ANO1: variants seen among roughly 807,000 people sequenced by gnomAD.
The protein encoded by ANO1 is anoctamin 1, also known as anoctamin-1.
A neutral mutation model predicts 124.0 loss-of-function variants in ANO1; 59 were observed. That is an observed-to-expected ratio of 0.48 (90% CI 0.39 to 0.59). The LOEUF is 0.59. Among genes scored for constraint, ANO1 ranks in the 20% least tolerant of loss-of-function variants. ANO1 has a pLI of 0.00. For synonymous variants in ANO1, 529 were observed against 532.0 expected, an observed-to-expected ratio of 0.99 and a Z score of 0.08; for missense variants, 1,059 against 1,328.0, an observed-to-expected ratio of 0.80 and a Z score of 3.15.
intron 1 of ANO1, among the ~76,000 whole-genome samples, chr11:70,084,545 CAG>C (rs1398532550): frequency 6.6e-6 from 1 of 152,150 alleles, no homozygotes; most frequent in Non-Finnish European, 1.5e-5. Flanking sequence ...CCCTGGGGCT[CAG>C]AGTGTCCAGA....
intron 1 of ANO1, among the ~76,000 whole-genome samples, chr11:70,086,216 G>A (rs2044374060): frequency 6.6e-6 from 1 of 152,238 alleles, no homozygotes; most frequent in African/African-American, 2.4e-5. Flanking sequence ...TTGCCTGTTA[G>A]GTTCTACCCA....
intron 1 of ANO1, among the ~76,000 whole-genome samples, chr11:69,990,413 T>G (rs1488394254): frequency 1.3e-5 from 2 of 152,242 alleles, no homozygotes; most frequent in Non-Finnish European, 2.9e-5. Context: ...ACATGGGTTA[T>G]TTCCACCTTT....
At chr11:70,069,967 T>G (rs1404450219) in intron 1 of ANO1, among the ~76,000 whole-genome samples, 3 of 152,234 alleles carry the variant, frequency 2.0e-5, no homozygotes, top group Non-Finnish European at 4.4e-5. Flanking sequence ...TAACCCTATA[T>G]GACACGGATC....
In ANO1 at chr11:70,180,650, A is replaced by T. The variant is rs376941073; in HGVS notation, c.2403+594A>T. ...TCCACTGAGAATAAACAAGAGACAGAGATAGGTGGGAAGACAGAGACAGAG... is the reference window on the plus strand; with the variant it reads ...TCCACTGAGAATAAACAAGAGACAGTGATAGGTGGGAAGACAGAGACAGAG... On this transcript the variant is annotated intron_variant, in intron 23 of 25. Transcript: ENST00000355303. 6.6e-5 allele frequency among the ~76,000 whole-genome samples: 10 copies of T among 152,226 alleles called. No homozygotes were observed. The East Asian group carries it at 1.9e-3, about 29-fold the overall frequency.
chr11:70,138,206 G>A (rs148485838), intron 11 of ANO1, among the ~76,000 whole-genome samples: 3 of 146,686 alleles, frequency 2.0e-5, no homozygotes, highest in African/African-American at 4.9e-5. Context: ...TTAGCTGGCC[G>A]TAGTGGCACG....
intron 13 of ANO1, 118 bp downstream of exon 13, chr11:70,152,579 GGGGTCTCT>G: frequency 8.1e-7 from 1 of 1,230,240 alleles, no homozygotes; most frequent in Non-Finnish European, 1.2e-6. Context: ...CCACGCGGGT[GGGGTCTCT>G]GCTTTCTCCC....
Position 70,182,464 on chromosome 11 carries a change from G to A in ANO1, c.2404-38G>A, listed in dbSNP as rs771112895. 5 of 1,467,430 alleles carry A rather than the reference G, an allele frequency of 3.4e-6. No individual in the cohort carries two copies. In the South Asian group the frequency reaches 5.9e-5, roughly 17 times the overall value. 90.9% of individuals were successfully genotyped at this position (1,467,430 alleles called of 1,614,324 possible). A position where few individuals can be genotyped will look rare whatever the true frequency, so the allele number is the denominator to read the frequency against. On this transcript the variant is annotated intron_variant, in intron 23 of 25. Coordinates refer to ENST00000355303, the MANE Select transcript of ANO1 (RefSeq NM_018043.7). ...GTTGCGGCCGGCCCTTCTGCGCCCA[G>A]GCTGGGGGTCCCCCTCACTGCCATG...
At chr11:70,107,675 C>G (rs1447900610) in intron 5 of ANO1, among the ~76,000 whole-genome samples, 1 of 152,140 alleles carries the variant, frequency 6.6e-6, no homozygotes, top group East Asian at 1.9e-4. Flanking sequence ...GTCGCTGGTC[C>G]AAAATCACAC....
Position 70,043,878 on chromosome 11 carries a change from G to T in ANO1, c.59-34664G>T, listed in dbSNP as rs539624801. ...AGATGAAATTGGGATATACACAAAA[G>T]GATGGATTGTACCAGAATTAGTATA... On this transcript the variant is annotated intron_variant, in intron 1 of 27. Coordinates refer to the ANO1 transcript ENST00000531349. 7.2e-5 allele frequency among the ~76,000 whole-genome samples: 11 copies of T among 152,142 alleles called. No homozygotes were observed. The South Asian group carries it at 2.3e-3, about 32-fold the overall frequency.
At chr11:70,156,907 G>T (rs2047837474) in intron 15 of ANO1, 40 bp from the exon 16 acceptor site, 1 of 1,593,860 alleles carries the variant, frequency 6.3e-7, no homozygotes, top group African/African-American at 1.3e-5. Context: ...GTCTCATCGT[G>T]ATGGTTCCAG....
chr11:69,978,161 T>G, the ANO1 span, among the ~76,000 whole-genome samples: 3 of 152,190 alleles, frequency 2.0e-5, no homozygotes, highest in African/African-American at 7.2e-5. Context: ...AACTCTGAGC[T>G]GTGCTGTCCT....
intron 1 of ANO1, among the ~76,000 whole-genome samples, chr11:70,033,777 G>A (rs1005572071): frequency 6.6e-6 from 1 of 152,014 alleles, no homozygotes; most frequent in South Asian, 2.1e-4. Flanking sequence ...ATTCCATATT[G>A]TCTGTCTGCT....
chr11:70,116,390 T>A lies in ANO1; in HGVS notation c.856-68T>A, dbSNP rs868835858. On this transcript the variant is annotated intron_variant, in intron 7 of 25. Transcript: ENST00000355303. ...CTGCTGGGGTTTATGTTTTGAAACATAATGGATGTGAGCGCCTCCAAAGCT... is the reference window on the plus strand; with the variant it reads ...CTGCTGGGGTTTATGTTTTGAAACAAAATGGATGTGAGCGCCTCCAAAGCT... 93 of 1,447,312 alleles carry A rather than the reference T, an allele frequency of 6.4e-5. 1 individual carries two copies. The Middle Eastern group carries it at 2.1e-3, about 32-fold the overall frequency. The allele number at this position is 1,447,312 out of a possible 1,614,324, so 89.7% of individuals were successfully genotyped here.
At chr11:70,081,616 A>C (rs1370930746) in intron 1 of ANO1, among the ~76,000 whole-genome samples, 1 of 152,240 alleles carries the variant, frequency 6.6e-6, no homozygotes, top group Non-Finnish European at 1.5e-5. Context: ...TTGAGTGATC[A>C]AGATATTTCA....
intron 1 of ANO1, among the ~76,000 whole-genome samples, chr11:70,066,414 A>G (rs908996287): frequency 1.3e-5 from 2 of 152,148 alleles, no homozygotes; most frequent in Admixed American, 6.5e-5. Flanking sequence ...CAGAGCCCAC[A>G]TGACTTGTCC....
At chr11:70,033,831 C>A (rs1261259504) in intron 1 of ANO1, among the ~76,000 whole-genome samples, 1 of 152,130 alleles carries the variant, frequency 6.6e-6, no homozygotes, top group Non-Finnish European at 1.5e-5. Flanking sequence ...AATACAGGTT[C>A]GCTTCGTGGG....
intron 1 of ANO1, among the ~76,000 whole-genome samples, chr11:70,043,058 A>G (rs1297836637): frequency 6.6e-6 from 1 of 152,252 alleles, no homozygotes; most frequent in Admixed American, 6.5e-5. Flanking sequence ...GACAAATGAT[A>G]ACACTGGAAG....
In ANO1 at chr11:70,088,052, G is replaced by C. The variant is rs1590693664; in HGVS notation, c.409G>C (p.Glu137Gln). 1 of 1,433,930 alleles carries C rather than the reference G, an allele frequency of 7.0e-7. No individual in the cohort carries two copies. Among genetic ancestry groups the C allele is most frequent in the East Asian group, 2.7e-5 (1 of 37,534 alleles). The allele number at this position is 1,433,930 out of a possible 1,614,324, so 88.8% of individuals were successfully genotyped here. A position where few individuals can be genotyped will look rare whatever the true frequency, so the allele number is the denominator to read the frequency against. Residue 137 changes from glutamate (E) to glutamine (Q), a missense_variant, in exon 2 of 26, where the codon GAG becomes CAG. By Grantham distance (29) the Glu-to-Gln change is conservative. Around this residue, in one of 2 missense-constraint regions of ANO1, gnomAD observed 250 missense variants for 233.1 expected, o/e 1.07. Transcript: ENST00000355303. ...GGAGGAGTACGAGGGCAACCTCCTG[G>C]AGGCGGGCCTGGAGCTGGAGCGGGA... is the stretch of plus-strand genomic sequence containing the variant. ...RREEYEGNLLEAGLELERDED... is the reference protein window; with the variant it reads ...RREEYEGNLLQAGLELERDED...
chr11:70,162,431 G>A (rs1032343556), intron 18 of ANO1, among the ~76,000 whole-genome samples: 3 of 152,126 alleles, frequency 2.0e-5, no homozygotes, highest in South Asian at 2.1e-4. Context: ...AGGAGTCCAC[G>A]TAGGGAGGAG....
Sources: gnomAD v4.1 joint callset for allele counts (sites outside exome capture counted in the v4.1 genomes callset) on GRCh38, gnomAD v4.1.1 for gene constraint, gnomAD v4.1.1 regional missense constraint, MANE v1.5 for transcripts, NCBI Gene and HGNC (gene_info 2026-07-23, HGNC 2026-07-21) for gene names.